Variants in DPP10 observed in about 807,000 individuals in gnomAD.
DPP10 encodes the protein inactive dipeptidyl peptidase 10.
DPP10 carries 33 observed loss-of-function variants against 120.9 expected under a neutral mutation model. The ratio of observed to expected loss-of-function variants is 0.27; its 90% CI spans 0.21 to 0.37. DPP10 has a LOEUF of 0.37. Among genes scored for constraint, DPP10 ranks in the 10% least tolerant of loss-of-function variants. The probability of loss-of-function intolerance (pLI) is 1.00; values close to 1 mark genes in which losing one functional copy is unlikely to be tolerated. For synonymous variants in DPP10, 337 were observed against 326.1 expected (o/e 1.03, Z -0.36); for missense variants, 816 against 942.8 (o/e 0.87, Z 1.76).
chr2:115,422,386 GAC>G (rs2070057114), intron 3 of DPP10, among the ~76,000 whole-genome samples: 1 of 152,160 alleles, frequency 6.6e-6, no homozygotes, highest in South Asian at 2.1e-4. Context: ...TTCTTAGCTT[GAC>G]AGTTTAGGTA....
intron 19 of DPP10, among the ~76,000 whole-genome samples, chr2:115,813,653 C>T (rs989040457): frequency 2.0e-5 from 3 of 152,182 alleles, no homozygotes; most frequent in African/African-American, 4.8e-5. Flanking sequence ...TCTCTACTTA[C>T]TTCTTTATGT....
intron 7 of DPP10, among the ~76,000 whole-genome samples, chr2:115,723,196 C>T (rs909970034): frequency 2.0e-5 from 3 of 152,304 alleles, no homozygotes; most frequent in South Asian, 2.1e-4. Flanking sequence ...GGGGCAGCAG[C>T]GGGACTGACG....
At chr2:114,663,351 T>C (rs1697595658) in intron 1 of DPP10, among the ~76,000 whole-genome samples, 1 of 150,370 alleles carries the variant, frequency 6.7e-6, no homozygotes, top group Non-Finnish European at 1.5e-5. Flanking sequence ...TTATTGATTA[T>C]CCGATGACTG....
At chr2:115,228,139 G>A (rs1263213949) in intron 1 of DPP10, among the ~76,000 whole-genome samples, 2 of 151,716 alleles carry the variant, frequency 1.3e-5, no homozygotes, top group East Asian at 3.9e-4. Context: ...GTTGACATGG[G>A]GTTTTGCAAA....
At chr2:115,558,274 A>G (rs778282266) in intron 5 of DPP10, among the ~76,000 whole-genome samples, 8 of 152,134 alleles carry the variant, frequency 5.3e-5, no homozygotes, top group Non-Finnish European at 1.0e-4. Flanking sequence ...ATGCTTTTCC[A>G]TGTGCCATAG....
intron 3 of DPP10, among the ~76,000 whole-genome samples, chr2:115,457,962 G>T (rs1260950111): frequency 6.6e-6 from 1 of 152,094 alleles, no homozygotes; most frequent in Non-Finnish European, 1.5e-5. Flanking sequence ...AGTGGAATAT[G>T]AATGATTAAC....
intron 1 of DPP10, among the ~76,000 whole-genome samples, chr2:115,071,759 G>T (rs1178991242): frequency 1.3e-5 from 2 of 152,142 alleles, no homozygotes; most frequent in African/African-American, 4.8e-5. Context: ...CTGAGGCCTG[G>T]CAGGGAAGCG....
intron 1 of DPP10, among the ~76,000 whole-genome samples, chr2:114,980,890 G>A (rs1047655844): frequency 2.6e-5 from 4 of 151,160 alleles, no homozygotes; most frequent in East Asian, 3.9e-4. Context: ...CGTCAATAAC[G>A]TTTTATACTC....
chr2:115,814,113 T>G (rs1290707200), intron 19 of DPP10, among the ~76,000 whole-genome samples: 1 of 152,160 alleles, frequency 6.6e-6, no homozygotes, highest in African/African-American at 2.4e-5. Flanking sequence ...CATTCATGCT[T>G]TATTATTTAT....
Position 115,768,405 on chromosome 2 carries a change from G to GT in DPP10, c.1221+2dup. ...CCACGTAGCTATGTTCCTCATCCAGGTAAGTGCTGGCTTTTTTCCATGTTT... is the reference window on the plus strand; with the variant it reads ...CCACGTAGCTATGTTCCTCATCCAGGTTAAGTGCTGGCTTTTTTCCATGTTT... On this transcript the variant is annotated splice_donor_variant, in intron 13 of 25. Transcript: ENST00000410059. LOFTEE classifies it high-confidence loss of function. 1 of 1,611,158 alleles carries GT rather than the reference G, an allele frequency of 6.2e-7. No homozygotes were observed. The highest frequency in any genetic ancestry group is 8.5e-7 in the Non-Finnish European group (1 of 1,177,942).
At chr2:115,368,015 G>A (rs1017118382) in intron 3 of DPP10, among the ~76,000 whole-genome samples, 5 of 152,106 alleles carry the variant, frequency 3.3e-5, no homozygotes, top group African/African-American at 9.7e-5. Flanking sequence ...AGGGAAATTA[G>A]ATAGCTAAAA....
chr2:115,497,948 A>AT (rs1175022386), intron 3 of DPP10, among the ~76,000 whole-genome samples: 2 of 142,800 alleles, frequency 1.4e-5, no homozygotes, highest in Admixed American at 7.7e-5. Context: ...AAAGTTAATG[A>AT]TAAAAAAAAA....
intron 3 of DPP10, among the ~76,000 whole-genome samples, chr2:115,475,213 C>A (rs2074998060): frequency 6.6e-6 from 1 of 152,292 alleles, no homozygotes; most frequent in Non-Finnish European, 1.5e-5. Flanking sequence ...GGGCCAAGTC[C>A]AGGGCCCCAC....
Position 114,997,507 on chromosome 2 carries a change from A to G in DPP10, c.61-311732A>G, listed in dbSNP as rs924972057. Among the ~76,000 whole-genome samples the G allele has an allele frequency of 1.5e-3, 10 of 6,760 alleles. No homozygotes were observed. The Admixed American group carries it at 0.034, about 23-fold the overall frequency. The allele number at this position is 6,760 out of a possible 152,430, so 4.4% of individuals were successfully genotyped here. A position where few individuals can be genotyped will look rare whatever the true frequency, so the allele number is the denominator to read the frequency against. ...CTCCGTCTCAAAAAAAAAGAAAAAA[A>G]AAAAGAAAAAAATTCATACATGGAA... is the stretch of plus-strand genomic sequence containing the variant. On this transcript the variant is annotated intron_variant, in intron 1 of 25. Coordinates refer to ENST00000410059, the MANE Select transcript of DPP10 (RefSeq NM_020868.6).
chr2:114,514,841 A>G (rs906672809), intron 1 of DPP10, among the ~76,000 whole-genome samples: 1 of 150,636 alleles, frequency 6.6e-6, no homozygotes, highest in Non-Finnish European at 1.5e-5. Context: ...CCATCAGAGT[A>G]TCTGCCCTAA....
At chr2:115,614,149 A>T (rs2084316955) in intron 5 of DPP10, among the ~76,000 whole-genome samples, 1 of 152,228 alleles carries the variant, frequency 6.6e-6, no homozygotes, top group Non-Finnish European at 1.5e-5. Context: ...TGTCTACCAT[A>T]ATCACCTTTA....
chr2:114,877,383 T>A (rs1449216373), intron 1 of DPP10, among the ~76,000 whole-genome samples: 1 of 152,010 alleles, frequency 6.6e-6, no homozygotes, highest in Non-Finnish European at 1.5e-5. Context: ...CCTAAGCATG[T>A]GTGTTTCTTC....
chr2:114,699,286 C>T (rs775122267), intron 1 of DPP10, among the ~76,000 whole-genome samples: 1 of 148,658 alleles, frequency 6.7e-6, no homozygotes, highest in Non-Finnish European at 1.5e-5. Flanking sequence ...ATCATATATA[C>T]ATATGCGTGT....
At chr2:114,652,331 C>A (rs1696652598) in intron 1 of DPP10, among the ~76,000 whole-genome samples, 1 of 152,196 alleles carries the variant, frequency 6.6e-6, no homozygotes, top group Non-Finnish European at 1.5e-5. Context: ...AATGCAGCTT[C>A]TGGAGGCACA....
Sources: allele counts gnomAD v4.1 joint callset (sites outside exome capture counted in the v4.1 genomes callset), GRCh38; gene constraint gnomAD v4.1.1; transcripts MANE v1.5; gene names NCBI Gene and HGNC (gene_info 2026-07-23, HGNC 2026-07-21).